IPO9: variants seen among roughly 807,000 people sequenced by gnomAD.
IPO9 encodes the protein importin 9.
Under a neutral mutation model 128.6 loss-of-function variants are expected in IPO9, and 28 were observed. The ratio of observed to expected loss-of-function variants is 0.22; its 90% CI spans 0.16 to 0.30. The LOEUF is 0.30. Ranked by LOEUF, IPO9 falls within the 10% of genes least tolerant of loss-of-function variation. The pLI is 1.00. For missense variants in IPO9, 935 were observed against 1,293.9 expected, an observed-to-expected ratio of 0.72 and a Z score of 4.26; for synonymous variants, 455 against 475.8, an observed-to-expected ratio of 0.96 and a Z score of 0.57.
At position 201,858,843 on chromosome 1, in the gene IPO9, A is replaced by G. The variant is rs200459999; in HGVS notation, c.1329-12A>G. On this transcript the variant is annotated splice_polypyrimidine_tract_variant and intron_variant, in intron 12 of 23. Coordinates refer to ENST00000361565, the MANE Select transcript of IPO9 (RefSeq NM_018085.5). ...TTAGTATGTTTTACTAGGCTGTAGT[A>G]TCCTTTCACAGGTGGAAGATCCATG... The G allele has an allele frequency of 1.9e-3, 2,950 of 1,590,362 alleles. 3 individuals are homozygous for G. The highest frequency in any genetic ancestry group is 2.3e-3 in the Non-Finnish European group (2,652 of 1,160,450).
At position 201,879,155 on chromosome 1, in the gene IPO9, T is replaced by A. The variant is rs1680836430; in HGVS notation, c.*3101T>A. Reference sequence around the variant, plus strand: ...ATAACACAAGTTACAGACGTATATGTGACATTGATTTGGGAGAATGAACCT... The same window carrying A: ...ATAACACAAGTTACAGACGTATATGAGACATTGATTTGGGAGAATGAACCT... On this transcript the variant is annotated 3_prime_UTR_variant, in exon 24 of 24. Transcript: ENST00000361565. The A allele has an allele frequency of 6.6e-6, 1 of 152,200 alleles. No individual in the cohort carries two copies. The highest frequency in any genetic ancestry group is 6.5e-5 in the Admixed American group (1 of 15,276). 9.4% of individuals were successfully genotyped at this position (152,200 alleles called of 1,614,324 possible).
At chr1:201,868,619 G>A (rs1199943444) in intron 15 of IPO9, 29 bp from the exon 16 acceptor site, 2 of 1,599,002 alleles carry the variant, frequency 1.3e-6, no homozygotes, top group African/African-American at 1.3e-5. Context: ...ATCAGGCAGG[G>A]GGATTCCGTG....
intron 1 of IPO9, among the ~76,000 whole-genome samples, chr1:201,839,784 T>G (rs984655908): frequency 6.6e-6 from 1 of 151,938 alleles, no homozygotes; most frequent in African/African-American, 2.4e-5. Flanking sequence ...CCAGAGACAA[T>G]AAAAGAAAAT....
chr1:201,863,473 A>C lies in IPO9; in HGVS notation c.1494A>C (p.Ala498=). ...TGTCTCCTTTCCTCTTGGGCCGGGC[A>C]CTTTGGGCTGCCAGTCGGTTCACTG... ...LSVSPFLLGR[A]LWAASRFTVA... Residue 498 remains alanine, a synonymous_variant, in exon 14 of 24, where the codon GCA becomes GCC. Transcript: ENST00000361565. 6.3e-7 allele frequency: 1 copy of C among 1,584,142 alleles called. No individual in the cohort carries two copies. The highest frequency in any genetic ancestry group is 1.7e-5 in the Admixed American group (1 of 59,730).
chr1:201,873,245 G>A (rs1336090092), intron 20 of IPO9, among the ~76,000 whole-genome samples: 1 of 151,980 alleles, frequency 6.6e-6, no homozygotes, highest in African/African-American at 2.4e-5. Context: ...AGGAGTTTGA[G>A]ACTAGCCTGA....
In IPO9 at chr1:201,859,002, T is replaced by G. The variant is rs547190043; in HGVS notation, c.1468+8T>G. On this transcript the variant is annotated splice_region_variant and intron_variant, in intron 13 of 23. Coordinates refer to ENST00000361565, the MANE Select transcript of IPO9 (RefSeq NM_018085.5). Reference sequence around the variant, plus strand: ...CAGACCTCAACCTCTCAGGTATGTTTCAGCACGTGCCAGGATTCTAGAAAC... The same window carrying G: ...CAGACCTCAACCTCTCAGGTATGTTGCAGCACGTGCCAGGATTCTAGAAAC... 4.3e-5 allele frequency: 69 copies of G among 1,596,874 alleles called. 2 individuals carry two copies. In the South Asian group the frequency reaches 7.1e-4, roughly 16 times the overall value.
chr1:201,867,986 G>A (rs992329136), intron 15 of IPO9, among the ~76,000 whole-genome samples: 4 of 151,808 alleles, frequency 2.6e-5, no homozygotes, highest in African/African-American at 9.7e-5. Context: ...GGACATCTAG[G>A]GTATTCCCAA....
Position 201,878,697 on chromosome 1 carries a change from A to G in IPO9, c.*2643A>G, listed in dbSNP as rs577590107. The stretch of plus-strand genomic sequence containing the variant: ...GTGTTTCCAGTGCATTTTCATATAC[A>G]TTATCCCATTTAACCTTTATAACAG... On this transcript the variant is annotated 3_prime_UTR_variant, in exon 24 of 24. Coordinates refer to ENST00000361565, the MANE Select transcript of IPO9 (RefSeq NM_018085.5). 3 of 152,318 alleles carry G rather than the reference A, an allele frequency of 2.0e-5. No homozygotes were observed. The South Asian group carries it at 6.2e-4, about 32-fold the overall frequency. 9.4% of individuals were successfully genotyped at this position (152,318 alleles called of 1,614,324 possible).
At position 201,881,207 on chromosome 1, in the gene IPO9, C is replaced by T. The variant is rs762004869; in HGVS notation, c.*5153C>T. 3.3e-5 allele frequency: 5 copies of T among 152,170 alleles called. No homozygotes were observed. The highest frequency in any genetic ancestry group is 7.4e-5 in the Non-Finnish European group (5 of 68,026). 9.4% of individuals were successfully genotyped at this position (152,170 alleles called of 1,614,324 possible). A position where few individuals can be genotyped will look rare whatever the true frequency, so the allele number is the denominator to read the frequency against. ...CCCTTGAACACTTGCAAGGAGCTAA[C>T]AATACCTGCTTCTGGAGTATTTAAA... On this transcript the variant is annotated 3_prime_UTR_variant, in exon 24 of 24. Transcript: ENST00000361565.
At position 201,829,189 on chromosome 1, in the gene IPO9, G is replaced by A. The variant is rs778754629; in HGVS notation, c.-21G>A. 2.7e-6 allele frequency: 4 copies of A among 1,493,628 alleles called. No individual in the cohort carries two copies. Among genetic ancestry groups the A allele is most frequent in the Admixed American group, 2.3e-5 (1 of 43,358 alleles). The allele number at this position is 1,493,628 out of a possible 1,614,324, so 92.5% of individuals were successfully genotyped here. A position where few individuals can be genotyped will look rare whatever the true frequency, so the allele number is the denominator to read the frequency against. On this transcript the variant is annotated 5_prime_UTR_variant, in exon 1 of 24. Transcript: ENST00000361565. ...GGTGGCGGGTCCCGGCCGCGGGGCT[G>A]GCGGGCTGAGGGGAGAAAAGATGGC...
chr1:201,829,233 T>G lies in IPO9; in HGVS notation c.24T>G (p.Gly8=). 6.4e-7 allele frequency: 1 copy of G among 1,566,954 alleles called. No homozygotes were observed. The highest frequency in any genetic ancestry group is 1.4e-5 in the African/African-American group (1 of 71,144). MAAAAAA[G]AASGLPGPVA... The stretch of plus-strand genomic sequence containing the variant: ...AGATGGCGGCGGCGGCGGCAGCTGG[T>G]GCGGCCTCCGGGCTGCCGGGTCCAG... The change falls in exon 1 of 24, where the codon GGT becomes GGG. Residue 8 remains glycine, a synonymous_variant. Transcript: ENST00000361565.
intron 10 of IPO9, 147 bp downstream of exon 10, chr1:201,856,081 T>A: frequency 1.6e-6 from 1 of 623,540 alleles, no homozygotes. Context: ...AGGTTTGACA[T>A]CATTTTATTG....
intron 4 of IPO9, among the ~76,000 whole-genome samples, chr1:201,849,719 C>T (rs1280149243): frequency 6.6e-6 from 1 of 152,226 alleles, no homozygotes; most frequent in Non-Finnish European, 1.5e-5. Flanking sequence ...TTCTCAGACC[C>T]CAGCTGCCTT....
chr1:201,872,215 GAAAAAT>G (rs1403304249), intron 19 of IPO9, among the ~76,000 whole-genome samples: 1 of 152,004 alleles, frequency 6.6e-6, no homozygotes, highest in Non-Finnish European at 1.5e-5. Context: ...AATTGTCTCA[GAAAAAT>G]AAAAATAAAA....
intron 1 of IPO9, among the ~76,000 whole-genome samples, chr1:201,835,966 G>A (rs1291946728): frequency 6.6e-6 from 1 of 151,876 alleles, no homozygotes; most frequent in African/African-American, 2.4e-5. Context: ...AAAAAAATTA[G>A]CCAGGCGTGG....
intron 15 of IPO9, among the ~76,000 whole-genome samples, chr1:201,867,503 A>G (rs543908170): frequency 1.3e-5 from 2 of 152,268 alleles, no homozygotes; most frequent in East Asian, 3.9e-4. Flanking sequence ...GAAAGAGCTT[A>G]CATTATAATA....
rs752546546 is a variant in IPO9 at position 201,829,246 on chromosome 1, C to T, written c.37C>T (p.Leu13=). 1 of 1,579,904 alleles carries T rather than the reference C, an allele frequency of 6.3e-7. No individual in the cohort carries two copies. The highest frequency in any genetic ancestry group is 8.6e-7 in the Non-Finnish European group (1 of 1,166,656). ...GGCGGCAGCTGGTGCGGCCTCCGGG[C>T]TGCCGGGTCCAGTGGCACAAGGATT... is the stretch of plus-strand genomic sequence containing the variant. The part of the protein sequence containing the change: ...AAAAAGAASG[L]PGPVAQGLKE... Residue 13 remains leucine, a synonymous_variant, in exon 1 of 24, where the codon CTG becomes TTG. Transcript: ENST00000361565.
At position 201,870,540 on chromosome 1, in the gene IPO9, G is replaced by A. The variant is rs1278763173; in HGVS notation, c.2134-43G>A. ...ACAGACTGAGGGCCTTCTGGCATCT[G>A]TCCCTCGATTACTAATCTTGCTTGC... On this transcript the variant is annotated intron_variant, in intron 17 of 23. Transcript: ENST00000361565. This position sits in a 1 kb window ranked among gnomAD's most constrained non-coding sequence, Gnocchi z 4.9. 6.3e-7 allele frequency: 1 copy of A among 1,589,794 alleles called. No homozygotes were observed. The highest frequency in any genetic ancestry group is 2.2e-5 in the East Asian group (1 of 44,582).
chr1:201,862,779 C>G (rs1306833144), intron 13 of IPO9, among the ~76,000 whole-genome samples: 1 of 147,616 alleles, frequency 6.8e-6, no homozygotes, highest in Non-Finnish European at 1.5e-5. Flanking sequence ...GCACTCCAGC[C>G]TGGGCAACAA....
Sources: gnomAD v4.1 joint callset for allele counts (sites outside exome capture counted in the v4.1 genomes callset) on GRCh38, gnomAD v4.1.1 for gene constraint, Gnocchi (gnomAD v3.1) non-coding constraint, MANE v1.5 for transcripts, NCBI Gene and HGNC (gene_info 2026-07-23, HGNC 2026-07-21) for gene names.